Variants in PAPPA observed in about 807,000 individuals in gnomAD.
PAPPA encodes the protein pappalysin-1.
A neutral mutation model predicts 164.0 loss-of-function variants in PAPPA; 60 were observed. The ratio of observed to expected loss-of-function variants is 0.37; its 90% CI spans 0.30 to 0.45. The LOEUF (loss-of-function observed/expected upper bound fraction) is 0.45, where lower values mean the gene tolerates loss of function less well. Ranked by LOEUF, PAPPA falls within the 20% of genes least tolerant of loss-of-function variation. The pLI is 1.00. For missense variants in PAPPA, 1,782 were observed against 2,087.3 expected (o/e 0.85, Z 2.85); for synonymous variants, 875 against 814.1 (o/e 1.07, Z -1.27).
intron 2 of PAPPA, among the ~76,000 whole-genome samples, chr9:116,205,069 C>CT (rs61708820): frequency 0.023 from 3,294 of 142,212 alleles, 43 homozygotes; most frequent in Non-Finnish European, 0.027. Flanking sequence ...TGTGTTGTTG[C>CT]TTTTTTTTTT....
In PAPPA at chr9:116,396,639, G is replaced by T. The variant is rs1234193289; in HGVS notation, c.*23G>T. The T allele has an allele frequency of 1.3e-6, 1 of 778,788 alleles. No individual in the cohort carries two copies. The highest frequency in any genetic ancestry group is 2.4e-5 in the East Asian group (1 of 41,196). 48.2% of individuals were successfully genotyped at this position (778,788 alleles called of 1,614,324 possible). ...TAAGGAAGGACAAGAAGTTGTCAAA[G>T]AATTCCCAACGCCAGGACCCACATC... On this transcript the variant is annotated 3_prime_UTR_variant, in exon 22 of 22. Coordinates refer to ENST00000328252, the MANE Select transcript of PAPPA (RefSeq NM_002581.5).
intron 8 of PAPPA, among the ~76,000 whole-genome samples, chr9:116,269,549 T>G (rs1845113749): frequency 6.6e-6 from 1 of 152,216 alleles, no homozygotes; most frequent in African/African-American, 2.4e-5. Flanking sequence ...TGGAGCAAGA[T>G]GTCTGTGGAC....
chr9:116,176,078 A>C (rs1253845784), intron 1 of PAPPA, among the ~76,000 whole-genome samples: 1 of 152,206 alleles, frequency 6.6e-6, no homozygotes, highest in Non-Finnish European at 1.5e-5. Context: ...GTGGAGACTC[A>C]TGAAGACTGA....
chr9:116,369,622 C>T (rs1299872791), intron 19 of PAPPA, among the ~76,000 whole-genome samples: 1 of 152,158 alleles, frequency 6.6e-6, no homozygotes, highest in African/African-American at 2.4e-5. Flanking sequence ...CAGCCTCCCA[C>T]TTAAGACCTT....
chr9:116,331,215 A>T, intron 10 of PAPPA, 29 bp from the exon 11 acceptor site: 1 of 1,344,598 alleles, frequency 7.4e-7, no homozygotes, highest in Non-Finnish European at 1.1e-6. Context: ...TCTCTAAAAC[A>T]TGATTATTTT....
intron 6 of PAPPA, among the ~76,000 whole-genome samples, chr9:116,232,121 G>A (rs538726254): frequency 1.1e-4 from 16 of 152,112 alleles, no homozygotes; most frequent in South Asian, 2.1e-4. Flanking sequence ...GTAGCTCTTC[G>A]TCTATTTCAG....
At chr9:116,256,078 G>A (rs1844924277) in intron 7 of PAPPA, among the ~76,000 whole-genome samples, 1 of 150,588 alleles carries the variant, frequency 6.6e-6, no homozygotes, top group South Asian at 2.1e-4. Context: ...AAATCGCTCT[G>A]AGGGAGGACA....
At chr9:116,266,442 A>G (rs957406003) in intron 8 of PAPPA, among the ~76,000 whole-genome samples, 1 of 152,376 alleles carries the variant, frequency 6.6e-6, no homozygotes, top group African/African-American at 2.4e-5. Context: ...ATCATATTAT[A>G]CAACAATTTA....
intron 10 of PAPPA, among the ~76,000 whole-genome samples, chr9:116,328,704 TTGAAATAG>T (rs1443508270): frequency 6.6e-6 from 1 of 152,190 alleles, no homozygotes; most frequent in Non-Finnish European, 1.5e-5. Context: ...GATGCTCTGT[TTGAAATAG>T]TAGAGTGGAA....
chr9:116,220,162 C>G (rs774422215), intron 5 of PAPPA, 33 bp downstream of exon 5: 1 of 1,498,688 alleles, frequency 6.7e-7, no homozygotes, highest in East Asian at 2.3e-5. Context: ...TGATCCCTCT[C>G]TCTCTCTCCT....
Position 116,154,611 on chromosome 9 carries a change from C to T in PAPPA, c.415+24C>T. On this transcript the variant is annotated intron_variant, in intron 1 of 21. Coordinates refer to ENST00000328252, the MANE Select transcript of PAPPA (RefSeq NM_002581.5). The surrounding 1 kb of genome is among the most constrained non-coding windows in gnomAD (Gnocchi z 5.2). ...AGGTAGGTGAGGGCGCCTCGGCGGG[C>T]GCTGCACCGTCCCTGCGGCCCCAGA... 3.8e-6 allele frequency: 5 copies of T among 1,307,696 alleles called. No individual in the cohort carries two copies. The highest frequency in any genetic ancestry group is 4.9e-6 in the Non-Finnish European group (5 of 1,028,026). 81.0% of individuals were successfully genotyped at this position (1,307,696 alleles called of 1,614,324 possible).
At chr9:116,382,883 C>T (rs1208575081) in intron 21 of PAPPA, among the ~76,000 whole-genome samples, 1 of 152,034 alleles carries the variant, frequency 6.6e-6, no homozygotes, top group African/African-American at 2.4e-5. Flanking sequence ...GTCAAAAGAA[C>T]GGTGTCTGGA....
chr9:116,274,490 G>C (rs1845174050), intron 9 of PAPPA, among the ~76,000 whole-genome samples: 1 of 152,242 alleles, frequency 6.6e-6, no homozygotes, highest in African/African-American at 2.4e-5. Context: ...AGAGAGACAA[G>C]TGTGGGAGGC....
chr9:116,385,095 G>A lies in PAPPA; in HGVS notation c.4776+2602G>A, dbSNP rs150246021. On this transcript the variant is annotated intron_variant, in intron 21 of 21. Coordinates refer to ENST00000328252, the MANE Select transcript of PAPPA (RefSeq NM_002581.5). ...CTAAAAATACAAAAATTAGCCGGGT[G>A]TGGTGGTGGGCACCTGTAATCCCAG... Among the ~76,000 whole-genome samples the A allele has an allele frequency of 8.3e-3, 1,257 of 152,050 alleles. 28 individuals are homozygous for A. The highest frequency in any genetic ancestry group is 0.073 in the East Asian group (375 of 5,148).
chr9:116,267,360 G>C (rs185515341), intron 8 of PAPPA, among the ~76,000 whole-genome samples: 1 of 152,332 alleles, frequency 6.6e-6, no homozygotes, highest in African/African-American at 2.4e-5. Context: ...CATCCACATA[G>C]ACATCAGTTA....
At chr9:116,245,234 C>A in intron 7 of PAPPA, among the ~76,000 whole-genome samples, 1 of 151,996 alleles carries the variant, frequency 6.6e-6, no homozygotes, top group Non-Finnish European at 1.5e-5. Flanking sequence ...ACCGTAGATA[C>A]CCCCCAAACC....
At chr9:116,384,619 AATG>A (rs1249394433) in intron 21 of PAPPA, among the ~76,000 whole-genome samples, 1 of 152,102 alleles carries the variant, frequency 6.6e-6, no homozygotes, top group Non-Finnish European at 1.5e-5. Flanking sequence ...TTTTAACTAA[AATG>A]ATGCTCATGA....
chr9:116,376,884 G>A (rs548285786), intron 19 of PAPPA, among the ~76,000 whole-genome samples: 1 of 152,076 alleles, frequency 6.6e-6, no homozygotes, highest in South Asian at 2.1e-4. Flanking sequence ...CAGCAGAGGG[G>A]TTCTCTGCCT....
chr9:116,374,826 T>C (rs1245751029), intron 19 of PAPPA, among the ~76,000 whole-genome samples: 1 of 152,226 alleles, frequency 6.6e-6, no homozygotes, highest in Non-Finnish European at 1.5e-5. Context: ...AAAATCTGGT[T>C]AAGAGAATGA....
Sources: allele counts gnomAD v4.1 joint callset (sites outside exome capture counted in the v4.1 genomes callset), GRCh38; gene constraint gnomAD v4.1.1; non-coding constraint Gnocchi (gnomAD v3.1); transcripts MANE v1.5; gene names NCBI Gene and HGNC (gene_info 2026-07-23, HGNC 2026-07-21).